Variants in SDK1 observed in about 807,000 individuals in gnomAD.
The protein encoded by SDK1 is protein sidekick-1.
Under a neutral mutation model 245.5 loss-of-function variants are expected in SDK1, and 157 were observed. That is an observed-to-expected ratio of 0.64 (90% CI 0.56 to 0.73). SDK1 has a LOEUF of 0.73. Ranked by LOEUF, SDK1 falls within the 30% of genes least tolerant of loss-of-function variation. The pLI is 0.00. For synonymous variants in SDK1, 1,647 were observed against 1,278.5 expected (o/e 1.29, Z -6.15); for missense variants, 3,583 against 3,002.3 (o/e 1.19, Z -4.52).
chr7:3,763,129 TTC>T (rs1780155610), intron 4 of SDK1, among the ~76,000 whole-genome samples: 1 of 152,200 alleles, frequency 6.6e-6, no homozygotes, highest in Admixed American at 6.5e-5. Context: ...AGCCATAAAT[TTC>T]TTTTTCTTTA....
intron 5 of SDK1, among the ~76,000 whole-genome samples, chr7:3,916,929 G>C (rs1277805783): frequency 1.3e-5 from 2 of 152,156 alleles, no homozygotes; most frequent in Non-Finnish European, 2.9e-5. Flanking sequence ...CACAGATGCA[G>C]ACTCATAGTA....
intron 1 of SDK1, among the ~76,000 whole-genome samples, chr7:3,577,856 C>T (rs1380035877): frequency 3.9e-5 from 6 of 152,028 alleles, no homozygotes; most frequent in Non-Finnish European, 7.4e-5. Context: ...CATTGCCTGG[C>T]AGCTCCTGTC....
At chr7:3,322,372 A>G (rs67586312) in intron 1 of SDK1, among the ~76,000 whole-genome samples, 67,083 of 152,014 alleles carry the variant, frequency 0.44, 14,857 homozygotes, top group East Asian at 0.52. Flanking sequence ...CAGTTTGTTT[A>G]TCCATTCATC....
rs34066132 is a variant in SDK1 at position 3,769,936 on chromosome 7, C to CTGTGTGTG, written c.714-51488_714-51481dup. 5.7e-3 allele frequency among the ~76,000 whole-genome samples: 823 copies of CTGTGTGTG among 144,730 alleles called. 4 individuals are homozygous for CTGTGTGTG. Among genetic ancestry groups the CTGTGTGTG allele is most frequent in the Non-Finnish European group, 8.8e-3 (576 of 65,650 alleles). The allele number at this position is 144,730 out of a possible 152,430, so 94.9% of individuals were successfully genotyped here. On this transcript the variant is annotated intron_variant, in intron 4 of 44. Coordinates refer to ENST00000404826, the MANE Select transcript of SDK1 (RefSeq NM_152744.4). ...TCTCAGTGTTATTTGTACTTATTGTCTGTGTGTGTGTGTGTGTGTGTGTGT... is the reference window on the plus strand; with the variant it reads ...TCTCAGTGTTATTTGTACTTATTGTCTGTGTGTGTGTGTGTGTGTGTGTGTGTGTGTGT...
At chr7:3,482,427 G>C (rs1183637122) in intron 1 of SDK1, among the ~76,000 whole-genome samples, 1 of 152,158 alleles carries the variant, frequency 6.6e-6, no homozygotes, top group Non-Finnish European at 1.5e-5. Flanking sequence ...AAAGCCCATG[G>C]TTTCTACAAA....
At chr7:4,203,604 A>T (rs1409017775) in intron 35 of SDK1, among the ~76,000 whole-genome samples, 1 of 152,136 alleles carries the variant, frequency 6.6e-6, no homozygotes, top group Admixed American at 6.5e-5. Flanking sequence ...GGAAAACAAA[A>T]AACGAACGAC....
intron 4 of SDK1, among the ~76,000 whole-genome samples, chr7:3,678,885 A>G (rs1332460908): frequency 4.6e-5 from 7 of 152,348 alleles, no homozygotes; most frequent in African/African-American, 1.7e-4. Context: ...AGGCAAAATA[A>G]TGAACCTGAC....
At chr7:3,346,851 T>TG (rs1418427265) in intron 1 of SDK1, among the ~76,000 whole-genome samples, 1 of 122,280 alleles carries the variant, frequency 8.2e-6, no homozygotes, top group African/African-American at 3.1e-5. Context: ...TTTTTTTTTT[T>TG]GGTATAGCAG....
In SDK1 at chr7:4,265,551, G is replaced by T; in HGVS notation, c.*167G>T. On this transcript the variant is annotated 3_prime_UTR_variant, in exon 45 of 45. Transcript: ENST00000404826. Reference sequence around the variant, plus strand: ...GTGGACACTAGATTTCAATTAGGAAGGTTTTTTTAAACGGCTTTTTGTAAC... The same window carrying T: ...GTGGACACTAGATTTCAATTAGGAATGTTTTTTTAAACGGCTTTTTGTAAC... 7.5e-7 allele frequency: 1 copy of T among 1,341,124 alleles called. No individual in the cohort carries two copies. Among genetic ancestry groups the T allele is most frequent in the Non-Finnish European group, 9.5e-7 (1 of 1,055,140 alleles). 83.1% of individuals were successfully genotyped at this position (1,341,124 alleles called of 1,614,324 possible).
chr7:3,320,756 C>T (rs773474415), intron 1 of SDK1, among the ~76,000 whole-genome samples: 9 of 152,026 alleles, frequency 5.9e-5, no homozygotes, highest in Non-Finnish European at 1.0e-4. Context: ...ACCATAAGAC[C>T]AGTCATATTT....
intron 22 of SDK1, among the ~76,000 whole-genome samples, chr7:4,087,029 C>CAA (rs34730685): frequency 2.5e-3 from 301 of 119,482 alleles, no homozygotes; most frequent in African/African-American, 5.3e-3. Context: ...TTTTGCCATG[C>CAA]AAAAAAAAAA....
intron 22 of SDK1, among the ~76,000 whole-genome samples, chr7:4,093,458 CAAAAAAA>C (rs71032922): frequency 0.28 from 21,809 of 78,326 alleles, 1,708 homozygotes; most frequent in Middle Eastern, 0.4. Context: ...AAATGGAAAG[CAAAAAAA>C]AAAAAAAAAA....
At chr7:3,917,446 C>T (rs1156717280) in intron 5 of SDK1, among the ~76,000 whole-genome samples, 2 of 152,150 alleles carry the variant, frequency 1.3e-5, no homozygotes, top group Non-Finnish European at 2.9e-5. Context: ...CCCCAAGACA[C>T]GGGCTGCACT....
At chr7:3,683,636 G>A (rs761346546) in intron 4 of SDK1, among the ~76,000 whole-genome samples, 2 of 152,200 alleles carry the variant, frequency 1.3e-5, no homozygotes, top group Non-Finnish European at 2.9e-5. Flanking sequence ...CATTCCCTGC[G>A]CCTAACATGG....
chr7:4,174,320 G>T lies in SDK1; in HGVS notation c.4899G>T (p.Thr1633=), dbSNP rs145947614. 2 of 1,613,838 alleles carry T rather than the reference G, an allele frequency of 1.2e-6. No individual in the cohort carries two copies. Among genetic ancestry groups the T allele is most frequent in the Non-Finnish European group, 1.7e-6 (2 of 1,179,762 alleles). ...YEAGSGTEAK[T]LKNPIALHAE... is the part of the protein sequence containing the mutation. ...CCGGGTCAGGCACTGAGGCCAAGAC[G>T]CTCAAAAACCCTATAGCTTTACATG... The change falls in exon 33 of 45, where the codon ACG becomes ACT. Residue 1633 remains threonine, a synonymous_variant. Transcript: ENST00000404826.
chr7:3,854,716 G>C (rs1270626470), intron 5 of SDK1, among the ~76,000 whole-genome samples: 1 of 152,134 alleles, frequency 6.6e-6, no homozygotes, highest in African/African-American at 2.4e-5. Flanking sequence ...GAATATTTGA[G>C]GGATTTTCGA....
chr7:3,757,765 G>C (rs978961596), intron 4 of SDK1, among the ~76,000 whole-genome samples: 3 of 152,110 alleles, frequency 2.0e-5, no homozygotes, highest in African/African-American at 7.2e-5. Context: ...ATAGAAGCAT[G>C]ACTGATTAAA....
At chr7:3,606,610 C>A (rs187888233) in intron 1 of SDK1, among the ~76,000 whole-genome samples, 49 of 152,244 alleles carry the variant, frequency 3.2e-4, no homozygotes, top group African/African-American at 1.1e-3. Context: ...CGACTTTGTA[C>A]TTGCTTTTCC....
At chr7:3,957,242 A>G (rs758383126) in intron 7 of SDK1, among the ~76,000 whole-genome samples, 2 of 152,226 alleles carry the variant, frequency 1.3e-5, no homozygotes, top group Non-Finnish European at 1.5e-5. Flanking sequence ...TACACACGTA[A>G]TAATGTTGCA....
Sources: allele counts gnomAD v4.1 joint callset (sites outside exome capture counted in the v4.1 genomes callset), GRCh38; gene constraint gnomAD v4.1.1; transcripts MANE v1.5; gene names NCBI Gene and HGNC (gene_info 2026-07-23, HGNC 2026-07-21).